The following BAZ2B variants were observed in gnomAD, a reference collection of about 807,000 sequenced individuals.
BAZ2B encodes the protein bromodomain adjacent to zinc finger domain protein 2B.
In BAZ2B, 91 loss-of-function variants were observed where a neutral mutation model predicts 246.0. The observed-to-expected ratio is 0.37, with a 90% CI of 0.31 to 0.44. The LOEUF is 0.44. Among genes scored for constraint, BAZ2B ranks in the 20% least tolerant of loss-of-function variants. The probability of loss-of-function intolerance (pLI) is 1.00; values close to 1 mark genes in which losing one functional copy is unlikely to be tolerated. For synonymous variants in BAZ2B, 855 were observed against 860.0 expected (o/e 0.99, Z 0.10); for missense variants, 2,332 against 2,533.7 (o/e 0.92, Z 1.71).
chr2:159,642,234 C>CT, the BAZ2B span, among the ~76,000 whole-genome samples: 14 of 127,054 alleles, frequency 1.1e-4, no homozygotes, highest in Non-Finnish European at 5.1e-5. Flanking sequence ...TCCTTTCTTT[C>CT]TTTCTTTTTT....
intron 8 of BAZ2B, chr2:159,435,409 G>A (rs9798183): frequency 0.33 from 50,064 of 151,460 alleles, 9,868 homozygotes; most frequent in Non-Finnish European, 0.47. Flanking sequence ...AGGCTGGAGT[G>A]CAGTGGCGCG....
intron 25 of BAZ2B, among the ~76,000 whole-genome samples, chr2:159,377,812 C>CAAAAAAAAAAAAAAAAAAAAAAAAAA (rs35570732): frequency 4.2e-5 from 4 of 94,164 alleles, no homozygotes; most frequent in African/African-American, 1.6e-4. Flanking sequence ...ACTCTGTCTC[C>CAAAAAAAAAAAAAAAAAAAAAAAAAA]AAAAAAAAAA....
chr2:159,410,148 G>T (rs534711229), intron 14 of BAZ2B, among the ~76,000 whole-genome samples: 16 of 152,170 alleles, frequency 1.1e-4, no homozygotes, highest in African/African-American at 3.9e-4. Flanking sequence ...ACATTCCCCA[G>T]CATTAAACAT....
In BAZ2B at chr2:159,428,316, T is replaced by C. The variant is rs748163130; in HGVS notation, c.2359A>G (p.Ile787Val). 1 of 1,610,632 alleles carries C rather than the reference T, an allele frequency of 6.2e-7. No homozygotes were observed. Among genetic ancestry groups the C allele is most frequent in the South Asian group, 1.1e-5 (1 of 90,570 alleles). ...ATTTGGTGAAAAGTATGTACCTTTA[T>C]TACTTCAGGGTACTGCCTAAGTTTC... ...GKKLRQYPEV[I>V]KYLSRNGIMD... The change falls in exon 12 of 37, where the codon ATA (isoleucine) becomes GTA (valine). Residue 787 changes from isoleucine (I) to valine (V), a missense_variant. Around this residue, in one of 9 missense-constraint regions of BAZ2B, gnomAD observed 651 missense variants for 650.9 expected, o/e 1.00. Transcript: ENST00000392783.
chr2:159,550,782 G>A (rs2088069231), intron 2 of BAZ2B, among the ~76,000 whole-genome samples: 1 of 151,870 alleles, frequency 6.6e-6, no homozygotes, highest in African/African-American at 2.4e-5. Context: ...TGGGAGAGGT[G>A]TATCTCTACA....
At chr2:159,697,180 C>A in the BAZ2B span, among the ~76,000 whole-genome samples, 3 of 151,944 alleles carry the variant, frequency 2.0e-5, no homozygotes, top group African/African-American at 7.2e-5. Context: ...TTTAGCTCCC[C>A]AATCTTTTAA....
At chr2:159,357,043 T>C (rs1346436796) in intron 27 of BAZ2B, among the ~76,000 whole-genome samples, 2 of 151,966 alleles carry the variant, frequency 1.3e-5, no homozygotes, top group Admixed American at 6.6e-5. Flanking sequence ...AGGCTAAAAA[T>C]TCCCAAAACC....
intron 6 of BAZ2B, among the ~76,000 whole-genome samples, chr2:159,439,694 G>C (rs1323526161): frequency 1.3e-5 from 2 of 152,162 alleles, no homozygotes; most frequent in Non-Finnish European, 2.9e-5. Flanking sequence ...ACTAGTGCTG[G>C]TGATAGGGGA....
chr2:159,590,067 A>C (rs1688944171), intron 1 of BAZ2B, among the ~76,000 whole-genome samples: 2 of 151,598 alleles, frequency 1.3e-5, no homozygotes, highest in Non-Finnish European at 2.9e-5. Flanking sequence ...GGCGCCTGTA[A>C]TCCCAGCAAC....
intron 2 of BAZ2B, among the ~76,000 whole-genome samples, chr2:159,555,036 GC>G (rs746088157): frequency 5.3e-5 from 8 of 150,484 alleles, no homozygotes; most frequent in African/African-American, 1.2e-4. Flanking sequence ...CTCTACCAAG[GC>G]TATATATATG....
intron 2 of BAZ2B, among the ~76,000 whole-genome samples, chr2:159,543,628 T>G (rs1008818970): frequency 2.0e-5 from 3 of 151,292 alleles, no homozygotes; most frequent in Admixed American, 1.3e-4. Context: ...CTCTGCCTCC[T>G]GGGTTCAAGG....
At chr2:159,527,584 T>C (rs1187566717) in intron 2 of BAZ2B, among the ~76,000 whole-genome samples, 1 of 152,204 alleles carries the variant, frequency 6.6e-6, no homozygotes, top group African/African-American at 2.4e-5. Context: ...TATTTCTACA[T>C]TTAAATGTAT....
At chr2:159,360,958 G>C (rs148168002) in intron 27 of BAZ2B, among the ~76,000 whole-genome samples, 213 of 152,284 alleles carry the variant, frequency 1.4e-3, no homozygotes, top group African/African-American at 4.7e-3. Flanking sequence ...ACTCAAGATG[G>C]ATTGAAGACT....
rs1306650572 is a variant in BAZ2B at position 159,350,146 on chromosome 2, T to C, written c.4425A>G (p.Val1475=). ...CCTCTGACTCAGGAGGCATCTTAGCTACTTCCAAAAGCTTGCTTAATTTGG... is the reference window on the plus strand; with the variant it reads ...CCTCTGACTCAGGAGGCATCTTAGCCACTTCCAAAAGCTTGCTTAATTTGG... ...SFSKLSKLLE[V]AKMPPESEVM... is the part of the protein sequence containing the mutation. The change falls in exon 28 of 37, where the codon GTA becomes GTG. Residue 1475 remains valine (V), a synonymous_variant. Transcript: ENST00000392783. The C allele has an allele frequency of 1.9e-6, 3 of 1,614,002 alleles. No homozygotes were observed. Among genetic ancestry groups the C allele is most frequent in the Non-Finnish European group, 2.5e-6 (3 of 1,180,008 alleles).
intron 1 of BAZ2B, among the ~76,000 whole-genome samples, chr2:159,569,955 A>G (rs766841355): frequency 2.6e-5 from 4 of 152,246 alleles, no homozygotes; most frequent in Admixed American, 6.5e-5. Flanking sequence ...AAAAAAATCC[A>G]TGATGAAATA....
chr2:159,496,096 C>T (rs1187654993), intron 2 of BAZ2B, among the ~76,000 whole-genome samples: 1 of 149,094 alleles, frequency 6.7e-6, no homozygotes, highest in East Asian at 2.1e-4. Flanking sequence ...AAAAATTAGG[C>T]TGAGCACGGT....
intron 3 of BAZ2B, among the ~76,000 whole-genome samples, chr2:159,465,532 C>T (rs1424917191): frequency 6.6e-6 from 1 of 152,098 alleles, no homozygotes; most frequent in Non-Finnish European, 1.5e-5. Flanking sequence ...CTACAAAGTT[C>T]TACTAAAAAG....
In BAZ2B at chr2:159,323,801, CA is replaced by C. The variant is rs70994291; in HGVS notation, c.6353+1009del. Reference sequence around the variant, plus strand: ...TTGGGCAACAAAAGTGAAACTCTCTCAAAAAAAAAAAAAAAGAACAAACAAA... The same window carrying C: ...TTGGGCAACAAAAGTGAAACTCTCTCAAAAAAAAAAAAAAGAACAAACAAA... On this transcript the variant is annotated intron_variant, in intron 36 of 36. Transcript: ENST00000392783. Among the ~76,000 whole-genome samples the C allele has an allele frequency of 2.5e-3, 318 of 127,438 alleles. 1 individual carries two copies. Among genetic ancestry groups the C allele is most frequent in the East Asian group, 7.8e-3 (31 of 3,974 alleles). 83.6% of individuals were successfully genotyped at this position (127,438 alleles called of 152,430 possible).
the BAZ2B span, among the ~76,000 whole-genome samples, chr2:159,702,016 C>G: frequency 2.6e-5 from 4 of 152,318 alleles, no homozygotes; most frequent in East Asian, 7.7e-4. Flanking sequence ...ACATGAACCA[C>G]TGCGCCAGGC....
Sources: gnomAD v4.1 joint callset for allele counts (sites outside exome capture counted in the v4.1 genomes callset) on GRCh38, gnomAD v4.1.1 for gene constraint, gnomAD v4.1.1 regional missense constraint, MANE v1.5 for transcripts, NCBI Gene and HGNC (gene_info 2026-07-23, HGNC 2026-07-21) for gene names.